The following PPEF1 variants were observed in gnomAD, a reference collection of about 807,000 sequenced individuals.
PPEF1 encodes the protein protein phosphatase with EF-hand domain 1, also known as serine/threonine-protein phosphatase with EF-hands 1.
PPEF1 carries 12 observed loss-of-function variants against 53.3 expected under a neutral mutation model. That is an observed-to-expected ratio of 0.23 (90% CI 0.14 to 0.36). The LOEUF (loss-of-function observed/expected upper bound fraction) is 0.36, where lower values mean the gene tolerates loss of function less well. Ranked by LOEUF, PPEF1 falls within the 10% of genes least tolerant of loss-of-function variation. The pLI is 1.00. For missense variants in PPEF1, 334 were observed against 490.4 expected (o/e 0.68, Z 3.01); for synonymous variants, 165 against 176.7 (o/e 0.93, Z 0.52).
chrX:18,790,110 A>G (rs1441191560), intron 10 of PPEF1, among the ~76,000 whole-genome samples: 1 of 112,049 alleles, frequency 8.9e-6, no homozygotes, highest in Non-Finnish European at 1.9e-5. Context: ...AACACTTGTT[A>G]TTGTCTATCA....
intron 4 of PPEF1, among the ~76,000 whole-genome samples, chrX:18,756,517 G>T (rs2045553793): frequency 8.9e-6 from 1 of 111,819 alleles, no homozygotes. Context: ...TTCTTTAAAG[G>T]TAGTATTTTC....
intron 6 of PPEF1, among the ~76,000 whole-genome samples, chrX:18,771,654 T>C (rs768459357): frequency 9.0e-6 from 1 of 111,369 alleles, no homozygotes; most frequent in African/African-American, 3.3e-5. Flanking sequence ...GGGTTAGGGG[T>C]ACCAATTCCC....
chrX:18,736,051 A>G, intron 3 of PPEF1, among the ~76,000 whole-genome samples: 1 of 111,761 alleles, frequency 8.9e-6, no homozygotes, highest in Non-Finnish European at 1.9e-5. Context: ...GGTTTTCTAA[A>G]TATACAATCA....
chrX:18,698,910 C>A (rs1268272080), intron 5 of PPEF1, among the ~76,000 whole-genome samples: 2 of 112,018 alleles, frequency 1.8e-5, no homozygotes, highest in East Asian at 2.8e-4. Flanking sequence ...TGGACGCACA[C>A]ATGGCTTTGA....
chrX:18,754,168 C>T (rs935687151), intron 4 of PPEF1, among the ~76,000 whole-genome samples: 1 of 111,619 alleles, frequency 9.0e-6, no homozygotes, highest in Non-Finnish European at 1.9e-5. Flanking sequence ...CTTTACTTCC[C>T]GCTTGTGCTG....
rs774785162 is a variant in PPEF1 at position 18,823,894 on chromosome X, C to T, written c.1502-29C>T. 9 of 1,195,163 alleles carry T rather than the reference C, an allele frequency of 7.5e-6. No homozygotes were observed. The South Asian group carries it at 1.6e-4, about 22-fold the overall frequency. ...TCTTTAAAATCATATTTTAACAAATCATTTGGGCTTTGTTATTGTTGTTGT... is the reference window on the plus strand; with the variant it reads ...TCTTTAAAATCATATTTTAACAAATTATTTGGGCTTTGTTATTGTTGTTGT... On this transcript the variant is annotated intron_variant, in intron 13 of 15. Transcript: ENST00000470157.
At chrX:18,767,376 C>G in intron 6 of PPEF1, among the ~76,000 whole-genome samples, 1 of 111,525 alleles carries the variant, frequency 9.0e-6, no homozygotes, top group Non-Finnish European at 1.9e-5. Flanking sequence ...GAAACCCTGT[C>G]CCTACTAAAA....
intron 13 of PPEF1, among the ~76,000 whole-genome samples, chrX:18,820,629 C>T (rs922790098): frequency 9.0e-6 from 1 of 110,774 alleles, no homozygotes; most frequent in Middle Eastern, 4.3e-3. Context: ...TCGTGATCCA[C>T]CCGCCTTGGC....
chrX:18,766,461 C>T (rs961998188), intron 6 of PPEF1, among the ~76,000 whole-genome samples: 3 of 111,754 alleles, frequency 2.7e-5, no homozygotes. Flanking sequence ...CCCACCTATC[C>T]CAATGTCAAA....
intron 2 of PPEF1, among the ~76,000 whole-genome samples, chrX:18,731,642 A>G (rs770571603): frequency 3.6e-5 from 4 of 111,941 alleles, no homozygotes; most frequent in African/African-American, 1.3e-4. Context: ...TCACCCATTT[A>G]AAGTGTGCAA....
intron 10 of PPEF1, among the ~76,000 whole-genome samples, chrX:18,794,823 G>A (rs184625602): frequency 5.0e-4 from 56 of 112,092 alleles, no homozygotes; most frequent in Non-Finnish European, 7.0e-4. Context: ...AAGGAGCCCC[G>A]TCTTGGATGC....
At chrX:18,707,049 G>A (rs1373571401), upstream of PPEF1, among the ~76,000 whole-genome samples, 1 of 108,752 alleles carries the variant, frequency 9.2e-6, no homozygotes, top group Non-Finnish European at 1.9e-5. Flanking sequence ...GGCTGGTCTC[G>A]AACTCCTGAC....
At chrX:18,777,493 CT>C (rs1261971194) in intron 6 of PPEF1, among the ~76,000 whole-genome samples, 4 of 111,545 alleles carry the variant, frequency 3.6e-5, no homozygotes, top group African/African-American at 1.3e-4. Context: ...TTTTGTTTTT[CT>C]TTTCTTTTCT....
intron 8 of PPEF1, among the ~76,000 whole-genome samples, chrX:18,783,675 G>A (rs781684263): frequency 5.5e-5 from 6 of 108,551 alleles, no homozygotes; most frequent in African/African-American, 1.3e-4. Flanking sequence ...CCAAGGTGGC[G>A]CCACTGCACT....
At chrX:18,700,468 G>C (rs1439121289) in intron 6 of PPEF1, 1 of 109,110 alleles carries the variant, frequency 9.2e-6, no homozygotes, top group East Asian at 2.9e-4. Context: ...GGCATTTGGG[G>C]CAAGCAGAAG....
intron 4 of PPEF1, among the ~76,000 whole-genome samples, chrX:18,751,763 A>C (rs1188737530): frequency 8.9e-6 from 1 of 112,215 alleles, no homozygotes; most frequent in Non-Finnish European, 1.9e-5. Context: ...CTGGGCGAGA[A>C]AGCGAGACTC....
chrX:18,788,229 C>T (rs975897903), intron 9 of PPEF1, among the ~76,000 whole-genome samples: 8 of 95,705 alleles, frequency 8.4e-5, no homozygotes, highest in African/African-American at 1.2e-4. Flanking sequence ...GGCGTGAACC[C>T]GGGAGGCGGA....
At chrX:18,736,483 T>G (rs1382424583) in intron 3 of PPEF1, among the ~76,000 whole-genome samples, 1 of 112,047 alleles carries the variant, frequency 8.9e-6, no homozygotes, top group Admixed American at 9.5e-5. Flanking sequence ...TAAAGCTGAC[T>G]TGATTGTAGT....
chrX:18,736,209 T>G, intron 3 of PPEF1, among the ~76,000 whole-genome samples: 1 of 111,783 alleles, frequency 8.9e-6, no homozygotes, highest in Admixed American at 9.6e-5. Flanking sequence ...CTTGTGCCAG[T>G]TTTCAAAGGG....
Sources: allele counts gnomAD v4.1 joint callset (sites outside exome capture counted in the v4.1 genomes callset), GRCh38; gene constraint gnomAD v4.1.1; transcripts MANE v1.5; gene names NCBI Gene and HGNC (gene_info 2026-07-23, HGNC 2026-07-21).